The following TLCD4 variants were observed in gnomAD, a reference collection of about 807,000 sequenced individuals.
TLCD4 encodes TLC domain-containing protein 4.
In TLCD4, 7 loss-of-function variants were observed where a neutral mutation model predicts 24.2. The observed-to-expected ratio is 0.29, with a 90% CI of 0.16 to 0.54. The LOEUF (loss-of-function observed/expected upper bound fraction) is 0.54, where lower values mean the gene tolerates loss of function less well. TLCD4 is among the 20% of genes least tolerant of loss of function. The probability of loss-of-function intolerance (pLI) is 0.95; values close to 1 mark genes in which losing one functional copy is unlikely to be tolerated. For synonymous variants in TLCD4, 103 were observed against 106.4 expected (o/e 0.97, Z 0.20); for missense variants, 259 against 313.9 (o/e 0.82, Z 1.32).
upstream of TLCD4, among the ~76,000 whole-genome samples, chr1:95,115,914 C>T (rs1258680060): frequency 6.6e-6 from 1 of 152,184 alleles, no homozygotes; most frequent in African/African-American, 2.4e-5. Context: ...TATAACCATC[C>T]TGCCCACAGA....
At chr1:95,187,753 G>C (rs1557699562) in intron 6 of TLCD4, among the ~76,000 whole-genome samples, 1 of 152,042 alleles carries the variant, frequency 6.6e-6, no homozygotes, top group Non-Finnish European at 1.5e-5. Context: ...TAGTTTGTTG[G>C]GGACTGCCAT....
chr1:95,173,104 A>G (rs1436332530), intron 5 of TLCD4, among the ~76,000 whole-genome samples: 2 of 152,140 alleles, frequency 1.3e-5, no homozygotes, highest in Non-Finnish European at 2.9e-5. Context: ...TCACAAATAT[A>G]TTTTTCAGAA....
the TLCD4 span, among the ~76,000 whole-genome samples, chr1:95,104,848 C>A: frequency 1.3e-5 from 2 of 150,988 alleles, no homozygotes; most frequent in Admixed American, 6.6e-5. Flanking sequence ...GCCAACATGG[C>A]GAAGCCCCAT....
intron 5 of TLCD4, among the ~76,000 whole-genome samples, chr1:95,173,474 T>G (rs984417664): frequency 1.3e-5 from 2 of 152,222 alleles, no homozygotes; most frequent in Non-Finnish European, 2.9e-5. Context: ...GTGATCATTC[T>G]TTTCTACAGT....
At chr1:95,151,446 A>C in intron 5 of TLCD4, 27 bp downstream of exon 5, 2 of 1,604,050 alleles carry the variant, frequency 1.2e-6, no homozygotes, top group Non-Finnish European at 1.7e-6. Context: ...TCTGTAGCCT[A>C]ACTAGCAGAC....
At chr1:95,152,775 G>A (rs1213321407) in intron 5 of TLCD4, among the ~76,000 whole-genome samples, 1 of 151,964 alleles carries the variant, frequency 6.6e-6, no homozygotes, top group Non-Finnish European at 1.5e-5. Context: ...TTTCACCCCT[G>A]GAGCAGGATA....
At chr1:95,156,817 T>C (rs1677644877) in intron 5 of TLCD4, among the ~76,000 whole-genome samples, 2 of 152,074 alleles carry the variant, frequency 1.3e-5, no homozygotes, top group African/African-American at 4.8e-5. Context: ...AGAAGCAGTT[T>C]GGAGAGATAC....
chr1:95,096,943 A>G, the TLCD4 span, among the ~76,000 whole-genome samples: 1 of 152,150 alleles, frequency 6.6e-6, no homozygotes, highest in African/African-American at 2.4e-5. Context: ...AACTTAGAAT[A>G]TTACACATTT....
At chr1:95,135,553 A>G (rs547711182) in intron 1 of TLCD4, among the ~76,000 whole-genome samples, 1 of 151,696 alleles carries the variant, frequency 6.6e-6, no homozygotes, top group Admixed American at 6.6e-5. Flanking sequence ...GCATACCACC[A>G]CGCCCGGCTA....
chr1:95,099,053 C>CAAAAAAAAAAAA, the TLCD4 span, among the ~76,000 whole-genome samples: 311 of 70,572 alleles, frequency 4.4e-3, 23 homozygotes, highest in Non-Finnish European at 5.7e-3. Context: ...AACTCTGTCT[C>CAAAAAAAAAAAA]AAAAAAAAAA....
At chr1:95,186,128 A>G (rs752007337) in intron 6 of TLCD4, among the ~76,000 whole-genome samples, 2 of 152,336 alleles carry the variant, frequency 1.3e-5, no homozygotes, top group South Asian at 2.1e-4. Flanking sequence ...TTGAATTTAC[A>G]GTATGGGGGA....
At chr1:95,146,154 A>G (rs943520393) in intron 2 of TLCD4, among the ~76,000 whole-genome samples, 2 of 152,024 alleles carry the variant, frequency 1.3e-5, no homozygotes, top group Non-Finnish European at 2.9e-5. Context: ...GGTCTGAGCC[A>G]TCTAGTATAA....
chr1:95,115,963 T>C (rs756976274), upstream of TLCD4, among the ~76,000 whole-genome samples: 4 of 152,174 alleles, frequency 2.6e-5, no homozygotes, highest in African/African-American at 9.7e-5. Context: ...AAGGTAGCTA[T>C]TGCGCAAACC....
chr1:95,121,332 G>A (rs982115705), intron 1 of TLCD4: 10 of 152,180 alleles, frequency 6.6e-5, no homozygotes, highest in African/African-American at 2.4e-4. Flanking sequence ...TGCAGGGAGG[G>A]TGAGTAGGAG....
At chr1:95,098,409 C>G in the TLCD4 span, among the ~76,000 whole-genome samples, 30 of 152,292 alleles carry the variant, frequency 2.0e-4, no homozygotes, top group South Asian at 5.0e-3. Context: ...TAATCCTTGA[C>G]CACTTTAGTG....
At chr1:95,113,931 A>T (rs1470271027), upstream of TLCD4, among the ~76,000 whole-genome samples, 1 of 152,142 alleles carries the variant, frequency 6.6e-6, no homozygotes, top group Non-Finnish European at 1.5e-5. Context: ...GTACCCCAGC[A>T]TGGGCAGCAT....
intron 5 of TLCD4, among the ~76,000 whole-genome samples, chr1:95,161,319 A>G (rs1396500943): frequency 6.6e-6 from 1 of 152,166 alleles, no homozygotes; most frequent in East Asian, 1.9e-4. Flanking sequence ...CTCTGATGGT[A>G]GTTTGCATGT....
intron 1 of TLCD4, among the ~76,000 whole-genome samples, chr1:95,142,408 G>C (rs1441588024): frequency 6.6e-6 from 1 of 151,314 alleles, no homozygotes; most frequent in African/African-American, 2.4e-5. Context: ...GTGCAGTGAC[G>C]GTGTTAGCGG....
At chr1:95,164,582 C>T (rs1021793240) in intron 5 of TLCD4, 1 of 152,280 alleles carries the variant, frequency 6.6e-6, no homozygotes, top group Non-Finnish European at 1.5e-5. Flanking sequence ...GTCGCTCATA[C>T]TGGGAGCTGT....
Sources: allele counts gnomAD v4.1 joint callset (sites outside exome capture counted in the v4.1 genomes callset), GRCh38; gene constraint gnomAD v4.1.1; transcripts MANE v1.5; gene names NCBI Gene and HGNC (gene_info 2026-07-23, HGNC 2026-07-21).